Variants in DYNC1H1 observed in about 807,000 individuals in gnomAD.
DYNC1H1 encodes the protein cytoplasmic dynein 1 heavy chain 1.
In DYNC1H1, 51 loss-of-function variants were observed where a neutral mutation model predicts 527.1. That is an observed-to-expected ratio of 0.10 (90% CI 0.08 to 0.12). DYNC1H1 has a LOEUF of 0.12. Among genes scored for constraint, DYNC1H1 ranks in the 10% least tolerant of loss-of-function variants. DYNC1H1 has a pLI of 1.00. For missense variants in DYNC1H1, 2,771 were observed against 5,971.8 expected, an observed-to-expected ratio of 0.46 and a Z score of 17.66; for synonymous variants, 2,189 against 2,278.8, an observed-to-expected ratio of 0.96 and a Z score of 1.12.
chr14:102,050,869 G>T lies in DYNC1H1; in HGVS notation c.*306G>T. The T allele has an allele frequency of 2.5e-6, 1 of 396,574 alleles. No individual in the cohort carries two copies. The highest frequency in any genetic ancestry group is 4.8e-6 in the Non-Finnish European group (1 of 210,124). 24.6% of individuals were successfully genotyped at this position (396,574 alleles called of 1,614,324 possible). On this transcript the variant is annotated 3_prime_UTR_variant, in exon 78 of 78. Coordinates refer to ENST00000360184, the MANE Select transcript of DYNC1H1 (RefSeq NM_001376.5). ...CCTTCCATGCTGCCCAGGGAGGGCA[G>T]CCCACGGCAGCCATGCCCCTCCCCA...
Position 101,991,692 on chromosome 14 carries a change from G to A in DYNC1H1, c.3015+19G>A, listed in dbSNP as rs1452840714. 3 of 1,614,018 alleles carry A rather than the reference G, an allele frequency of 1.9e-6. No homozygotes were observed. Among genetic ancestry groups the A allele is most frequent in the Non-Finnish European group, 1.7e-6 (2 of 1,179,998 alleles). ...GTACCAGGTAAGCCTTTGGTGACTC[G>A]AGGCACACGCCTCTGACCAGGACTC... is the stretch of plus-strand genomic sequence containing the variant. On this transcript the variant is annotated intron_variant, in intron 11 of 77. Transcript: ENST00000360184.
Position 102,002,568 on chromosome 14 carries a change from A to G in DYNC1H1, c.4574A>G (p.Asp1525Gly). The G allele has an allele frequency of 6.2e-7, 1 of 1,614,180 alleles. No individual in the cohort carries two copies. Among genetic ancestry groups the G allele is most frequent in the Non-Finnish European group, 8.5e-7 (1 of 1,180,016 alleles). ...VFEEDALSWE[D>G]KLNRIMALFD... is the part of the protein sequence containing the mutation. ...GAAGAGGATGCTCTCAGCTGGGAAGATAAGCTGAACAGGATCATGGCTCTC... is the reference window on the plus strand; with the variant it reads ...GAAGAGGATGCTCTCAGCTGGGAAGGTAAGCTGAACAGGATCATGGCTCTC... The change falls in exon 22 of 78, where the codon GAT becomes GGT. Residue 1525 changes from aspartate (D) to glycine (G), a missense_variant. This residue lies in a region of DYNC1H1 where 51 missense variants were observed against 189.2 expected (regional missense o/e 0.27). Coordinates refer to ENST00000360184, the MANE Select transcript of DYNC1H1 (RefSeq NM_001376.5). The surrounding 1 kb of genome is among the most constrained non-coding windows in gnomAD (Gnocchi z 4.4).
chr14:102,015,072 T>C lies in DYNC1H1; in HGVS notation c.7015-33T>C. 1 of 1,607,506 alleles carries C rather than the reference T, an allele frequency of 6.2e-7. No homozygotes were observed. On this transcript the variant is annotated intron_variant, in intron 34 of 77. Transcript: ENST00000360184. The surrounding 1 kb of genome is among the most constrained non-coding windows in gnomAD (Gnocchi z 6.9). ...AATGTCCAGGTTTCTTCCAAACCTA[T>C]GTCATTAAATCTGCTTAATGTTTTC...
Position 102,042,153 on chromosome 14 carries a change from T to C in DYNC1H1, c.12214+29T>C. On this transcript the variant is annotated intron_variant, in intron 66 of 77. Coordinates refer to ENST00000360184, the MANE Select transcript of DYNC1H1 (RefSeq NM_001376.5). This position sits in a 1 kb window ranked among gnomAD's most constrained non-coding sequence, Gnocchi z 5.7. Reference sequence around the variant, plus strand: ...AGGATGCTTGAGGGGCTTCATGGGCTGGAGCCCTGCAGGATTTGTGGTGGG... The same window carrying C: ...AGGATGCTTGAGGGGCTTCATGGGCCGGAGCCCTGCAGGATTTGTGGTGGG... 1.2e-6 allele frequency: 2 copies of C among 1,614,032 alleles called. No individual in the cohort carries two copies. Among genetic ancestry groups the C allele is most frequent in the Admixed American group, 3.3e-5 (2 of 59,988 alleles).
In DYNC1H1 at chr14:102,017,822, T is replaced by TCA; in HGVS notation, c.8177+318_8177+319insCA. 2.7e-6 allele frequency: 1 copy of TCA among 373,146 alleles called. No homozygotes were observed. Among genetic ancestry groups the TCA allele is most frequent in the South Asian group, 2.2e-5 (1 of 44,696 alleles). The allele number at this position is 373,146 out of a possible 1,614,324, so 23.1% of individuals were successfully genotyped here. A position where few individuals can be genotyped will look rare whatever the true frequency, so the allele number is the denominator to read the frequency against. ...TCTACTGAAAATACAAAAACAAAATTAAGGCCGGGCGTGGTGGCTTACGCC... is the reference window on the plus strand; with the variant it reads ...TCTACTGAAAATACAAAAACAAAATTCAAAGGCCGGGCGTGGTGGCTTACGCC... On this transcript the variant is annotated intron_variant, in intron 40 of 77. Transcript: ENST00000360184. This position sits in a 1 kb window ranked among gnomAD's most constrained non-coding sequence, Gnocchi z 4.6.
intron 56 of DYNC1H1, chr14:102,034,839 T>C (rs1241884031): frequency 3.0e-6 from 1 of 332,962 alleles, no homozygotes; most frequent in Non-Finnish European, 5.8e-6. Flanking sequence ...GACAGGAAAA[T>C]CTCTTGAACC....
At chr14:102,026,398 T>C (rs913428979) in intron 43 of DYNC1H1, among the ~76,000 whole-genome samples, 176 bp from the exon 44 acceptor site, 1 of 152,228 alleles carries the variant, frequency 6.6e-6, no homozygotes, top group African/African-American at 2.4e-5. Context: ...TATAAAAGTT[T>C]TTCATGTTTT....
At position 102,039,502 on chromosome 14, in the gene DYNC1H1, G is replaced by A. The variant is rs1401684233; in HGVS notation, c.11551G>A (p.Asp3851Asn). 2 of 1,614,192 alleles carry A rather than the reference G, an allele frequency of 1.2e-6. No homozygotes were observed. Among genetic ancestry groups the A allele is most frequent in the Non-Finnish European group, 8.5e-7 (1 of 1,180,032 alleles). The change falls in exon 61 of 78, where the codon GAC becomes AAC. Residue 3851 changes from aspartate to asparagine, a missense_variant. Coordinates refer to ENST00000360184, the MANE Select transcript of DYNC1H1 (RefSeq NM_001376.5). The surrounding 1 kb of genome is among the most constrained non-coding windows in gnomAD (Gnocchi z 7.0). ...GAACCCGAACCTGAAGGGTGTCACC[G>A]ACCACACACAGCGCCTGTCCATTAT... ...YENPNLKGVTDHTQRLSIITK... is the reference protein window; with the variant it reads ...YENPNLKGVTNHTQRLSIITK...
intron 27 of DYNC1H1, 40 bp from the exon 28 acceptor site, chr14:102,006,968 G>A (rs774713701): frequency 8.2e-6 from 13 of 1,593,776 alleles, no homozygotes; most frequent in Non-Finnish European, 1.1e-5. Context: ...TTTTCAGTTA[G>A]GTAATGGACT....
chr14:102,042,995 G>A lies in DYNC1H1; in HGVS notation c.12513+247G>A. 1.9e-6 allele frequency: 1 copy of A among 533,260 alleles called. No individual in the cohort carries two copies. The highest frequency in any genetic ancestry group is 3.4e-6 in the Non-Finnish European group (1 of 289,910). The allele number at this position is 533,260 out of a possible 1,614,324, so 33.0% of individuals were successfully genotyped here. On this transcript the variant is annotated intron_variant, in intron 69 of 77. Coordinates refer to ENST00000360184, the MANE Select transcript of DYNC1H1 (RefSeq NM_001376.5). The surrounding 1 kb of genome is among the most constrained non-coding windows in gnomAD (Gnocchi z 5.7). ...TGAGCCCAGGAGTTCAAGACTGTCTGGGCAGGCCAGGAGTGGTGGCTCACG... is the reference window on the plus strand; with the variant it reads ...TGAGCCCAGGAGTTCAAGACTGTCTAGGCAGGCCAGGAGTGGTGGCTCACG...
intron 1 of DYNC1H1, among the ~76,000 whole-genome samples, chr14:101,968,943 G>A (rs896390326): frequency 1.1e-4 from 17 of 152,192 alleles, no homozygotes; most frequent in Admixed American, 2.0e-4. Flanking sequence ...CCATGATTTC[G>A]TGCATTTAGA....
Position 102,005,740 on chromosome 14 carries a change from G to T in DYNC1H1, c.5434-148G>T. ...CATGAGTAACATTTCTCTCATCTCTGAAAGTGAATTTGCCTTTTGGAACAT... is the reference window on the plus strand; with the variant it reads ...CATGAGTAACATTTCTCTCATCTCTTAAAGTGAATTTGCCTTTTGGAACAT... On this transcript the variant is annotated intron_variant, in intron 26 of 77. Transcript: ENST00000360184. The surrounding 1 kb of genome is among the most constrained non-coding windows in gnomAD (Gnocchi z 4.0). The T allele has an allele frequency of 1.1e-6, 1 of 932,562 alleles. No individual in the cohort carries two copies. 57.8% of individuals were successfully genotyped at this position (932,562 alleles called of 1,614,324 possible).
chr14:101,976,393 T>C (rs374762553), intron 2 of DYNC1H1, among the ~76,000 whole-genome samples: 2 of 150,814 alleles, frequency 1.3e-5, no homozygotes, highest in Non-Finnish European at 3.0e-5. Flanking sequence ...AAATACAAAA[T>C]TAGCCAGGCG....
chr14:102,019,981 G>A lies in DYNC1H1; in HGVS notation c.8432G>A (p.Arg2811Lys). 1 of 1,614,216 alleles carries A rather than the reference G, an allele frequency of 6.2e-7. No individual in the cohort carries two copies. The highest frequency in any genetic ancestry group is 8.5e-7 in the Non-Finnish European group (1 of 1,180,042). The stretch of plus-strand genomic sequence containing the variant: ...GTGAGAGGCATCTTTGAAGCGCTGA[G>A]ACCTCTGGAGACCCTGCCTGTTGAA... ...RWVRGIFEAL[R>K]PLETLPVEGL... Residue 2811 changes from arginine (R) to lysine (K), a missense_variant, in exon 42 of 78, where the codon AGA becomes AAA. This residue lies in a region of DYNC1H1 where 163 missense variants were observed against 346.9 expected (regional missense o/e 0.47). Transcript: ENST00000360184.
At chr14:101,993,018 T>G (rs1214964984) in intron 11 of DYNC1H1, among the ~76,000 whole-genome samples, 2 of 151,622 alleles carry the variant, frequency 1.3e-5, no homozygotes, top group Admixed American at 1.3e-4. Context: ...AGCTGACCTT[T>G]CTCCCTACTC....
At position 101,975,071 on chromosome 14, in the gene DYNC1H1, G is replaced by A. The variant is rs140897243; in HGVS notation, c.257-641G>A. On this transcript the variant is annotated intron_variant, in intron 1 of 77. Transcript: ENST00000360184. ...TGGGGTTTGTCTTGGGCCTGGCCTT[G>A]ATGAAAACTGGCCATGCTACATTGT... is the stretch of plus-strand genomic sequence containing the variant. Among the ~76,000 whole-genome samples, 84 of 152,314 alleles carry A rather than the reference G, an allele frequency of 5.5e-4. 1 individual carries two copies. The highest frequency in any genetic ancestry group is 2.0e-3 in the African/African-American group (83 of 41,564).
chr14:101,993,136 C>T (rs144473186), intron 11 of DYNC1H1, among the ~76,000 whole-genome samples: 41 of 152,154 alleles, frequency 2.7e-4, no homozygotes, highest in Non-Finnish European at 4.6e-4. Context: ...GATCTTCCCT[C>T]AGTCTTTCAC....
chr14:102,031,337 T>C (rs898004419), intron 51 of DYNC1H1, among the ~76,000 whole-genome samples: 1 of 152,134 alleles, frequency 6.6e-6, no homozygotes, highest in Admixed American at 6.6e-5. Flanking sequence ...CTGTTTCAGA[T>C]GATCCTCCCA....
In DYNC1H1 at chr14:102,047,800, G is replaced by A; in HGVS notation, c.13007-17G>A. The A allele has an allele frequency of 1.2e-6, 2 of 1,612,748 alleles. No homozygotes were observed. The highest frequency in any genetic ancestry group is 2.2e-5 in the South Asian group (2 of 91,058). ...CCCCTCCCTCCTTCCTGCTGCGACTGTGGGACTGTGGCCCAGGTGTGGACA... is the reference window on the plus strand; with the variant it reads ...CCCCTCCCTCCTTCCTGCTGCGACTATGGGACTGTGGCCCAGGTGTGGACA... On this transcript the variant is annotated splice_polypyrimidine_tract_variant and intron_variant, in intron 72 of 77. Transcript: ENST00000360184.
Sources: gnomAD v4.1 joint callset for allele counts (sites outside exome capture counted in the v4.1 genomes callset) on GRCh38, gnomAD v4.1.1 for gene constraint, gnomAD v4.1.1 regional missense constraint, Gnocchi (gnomAD v3.1) non-coding constraint, MANE v1.5 for transcripts, NCBI Gene and HGNC (gene_info 2026-07-23, HGNC 2026-07-21) for gene names.